Variants in DIP2B observed in about 807,000 individuals in gnomAD.
DIP2B encodes DIP2 acetate--CoA ligase B (putative).
A neutral mutation model predicts 198.0 loss-of-function variants in DIP2B; 76 were observed. The observed-to-expected ratio is 0.38, with a 90% CI of 0.32 to 0.46. The LOEUF (loss-of-function observed/expected upper bound fraction) is 0.46, where lower values mean the gene tolerates loss of function less well. Ranked by LOEUF, DIP2B falls within the 20% of genes least tolerant of loss-of-function variation. DIP2B has a pLI of 0.99. For synonymous variants in DIP2B, 701 were observed against 739.1 expected, an observed-to-expected ratio of 0.95 and a Z score of 0.84; for missense variants, 1,559 against 1,978.4, an observed-to-expected ratio of 0.79 and a Z score of 4.02.
intron 26 of DIP2B, 74 bp downstream of exon 26, chr12:50,721,470 C>T: frequency 1.3e-6 from 2 of 1,579,642 alleles, no homozygotes; most frequent in Non-Finnish European, 1.7e-6. Flanking sequence ...AGGATAGGCA[C>T]TCAGAGCTAC....
intron 11 of DIP2B, 22 bp downstream of exon 11, chr12:50,685,978 T>G: frequency 1.9e-6 from 3 of 1,603,522 alleles, no homozygotes; most frequent in Non-Finnish European, 2.6e-6. Context: ...TGTACCTGAA[T>G]TATCAGTTAA....
At chr12:50,719,134 T>C in intron 25 of DIP2B, 99 bp downstream of exon 25, 1 of 1,313,294 alleles carries the variant, frequency 7.6e-7, no homozygotes, top group Non-Finnish European at 1.0e-6. Context: ...TCTGTTGCCA[T>C]CTCTGAAGAA....
At chr12:50,614,060 C>G (rs1937651627) in intron 1 of DIP2B, among the ~76,000 whole-genome samples, 1 of 152,168 alleles carries the variant, frequency 6.6e-6, no homozygotes, top group Non-Finnish European at 1.5e-5. Context: ...ATATCTCTTT[C>G]CCTTTTTAAC....
chr12:50,703,971 A>G (rs1233998457), intron 19 of DIP2B, among the ~76,000 whole-genome samples, 169 bp from the exon 20 acceptor site: 1 of 151,212 alleles, frequency 6.6e-6, no homozygotes, highest in Non-Finnish European at 1.5e-5. Context: ...AAGTCTAGAG[A>G]GGTAAACAAT....
intron 1 of DIP2B, among the ~76,000 whole-genome samples, chr12:50,526,755 C>A (rs1958169400): frequency 6.7e-6 from 1 of 148,936 alleles, no homozygotes; most frequent in South Asian, 2.2e-4. Flanking sequence ...CCTGCCTCAG[C>A]CTCACCAGTA....
At chr12:50,710,102 C>T (rs1005401300) in intron 22 of DIP2B, among the ~76,000 whole-genome samples, 1 of 152,154 alleles carries the variant, frequency 6.6e-6, no homozygotes, top group Non-Finnish European at 1.5e-5. Context: ...CACTTAACAT[C>T]TTGTATATTT....
At chr12:50,525,653 T>C (rs1958157602) in intron 1 of DIP2B, among the ~76,000 whole-genome samples, 1 of 151,712 alleles carries the variant, frequency 6.6e-6, no homozygotes, top group Non-Finnish European at 1.5e-5. Context: ...GCTGAGACTA[T>C]AGGTTTGCAC....
chr12:50,720,639 A>T (rs1308637943), intron 25 of DIP2B, among the ~76,000 whole-genome samples: 2 of 152,102 alleles, frequency 1.3e-5, no homozygotes, highest in Non-Finnish European at 2.9e-5. Flanking sequence ...AATGTCAGCC[A>T]GGCACGGTGG....
intron 26 of DIP2B, 121 bp downstream of exon 26, chr12:50,721,517 T>C: frequency 6.9e-7 from 1 of 1,450,054 alleles, no homozygotes; most frequent in Non-Finnish European, 9.3e-7. Flanking sequence ...TCCCAACACT[T>C]AGAAGACCAT....
intron 3 of DIP2B, among the ~76,000 whole-genome samples, chr12:50,653,847 A>G (rs1178044099): frequency 6.6e-6 from 1 of 150,950 alleles, no homozygotes; most frequent in Non-Finnish European, 1.5e-5. Flanking sequence ...TTCTACTGTA[A>G]TCTTTATTAT....
At chr12:50,716,017 A>G (rs1036647152) in intron 23 of DIP2B, among the ~76,000 whole-genome samples, 5 of 152,230 alleles carry the variant, frequency 3.3e-5, no homozygotes, top group Non-Finnish European at 7.3e-5. Flanking sequence ...CCATAGACTC[A>G]CGAAATGCAC....
At chr12:50,652,187 C>T (rs1180777579) in intron 3 of DIP2B, among the ~76,000 whole-genome samples, 2 of 151,944 alleles carry the variant, frequency 1.3e-5, no homozygotes, top group African/African-American at 2.4e-5. Flanking sequence ...GTAGCAGGCA[C>T]CTCTAATCCC....
chr12:50,551,720 A>C (rs1958428939), intron 1 of DIP2B, among the ~76,000 whole-genome samples: 1 of 152,164 alleles, frequency 6.6e-6, no homozygotes. Context: ...TTGGGATTAC[A>C]TGCATGAGCC....
chr12:50,574,824 AAG>A (rs1366101954), intron 1 of DIP2B, among the ~76,000 whole-genome samples: 1 of 152,210 alleles, frequency 6.6e-6, no homozygotes, highest in Admixed American at 6.5e-5. Flanking sequence ...TGTTTTAGGG[AAG>A]AGACCTTGTA....
chr12:50,609,802 C>T (rs1428100925), intron 1 of DIP2B, among the ~76,000 whole-genome samples: 1 of 152,202 alleles, frequency 6.6e-6, no homozygotes, highest in African/African-American at 2.4e-5. Context: ...CCTTGGCACA[C>T]AAACTGCTTG....
chr12:50,603,117 T>C (rs1028021426), intron 1 of DIP2B, among the ~76,000 whole-genome samples: 3 of 151,668 alleles, frequency 2.0e-5, no homozygotes, highest in Admixed American at 6.6e-5. Context: ...TGAGCCGAGG[T>C]TCGGCCACTG....
intron 7 of DIP2B, 61 bp downstream of exon 7, chr12:50,675,509 A>G (rs2139528641): frequency 1.3e-6 from 2 of 1,525,266 alleles, no homozygotes; most frequent in Non-Finnish European, 1.8e-6. Context: ...AGCAGTTACT[A>G]TGTGTTAGGT....
intron 1 of DIP2B, among the ~76,000 whole-genome samples, chr12:50,540,641 C>T (rs916432936): frequency 5.9e-5 from 9 of 151,374 alleles, no homozygotes; most frequent in East Asian, 1.9e-4. Flanking sequence ...CTCCGCCTCC[C>T]GGATTCACGC....
intron 1 of DIP2B, among the ~76,000 whole-genome samples, chr12:50,589,165 CAG>C (rs1958797074): frequency 6.6e-6 from 1 of 151,224 alleles, no homozygotes; most frequent in African/African-American, 2.4e-5. Context: ...GCCTAGGAAA[CAG>C]GGCAAGACTC....
Sources: allele counts gnomAD v4.1 joint callset (sites outside exome capture counted in the v4.1 genomes callset), GRCh38; gene constraint gnomAD v4.1.1; transcripts MANE v1.5; gene names NCBI Gene and HGNC (gene_info 2026-07-23, HGNC 2026-07-21).